Variants in GALNTL6 observed in about 807,000 individuals in gnomAD.
The protein encoded by GALNTL6 is polypeptide N-acetylgalactosaminyltransferase-like 6.
GALNTL6 carries 46 observed loss-of-function variants against 73.7 expected under a neutral mutation model. That is an observed-to-expected ratio of 0.62 (90% confidence interval 0.49 to 0.80). The LOEUF is 0.80. Ranked by LOEUF, GALNTL6 falls within the 30% of genes least tolerant of loss-of-function variation. GALNTL6 has a pLI of 0.00. For missense variants in GALNTL6, 604 were observed against 755.0 expected (o/e 0.80, Z 2.34); for synonymous variants, 259 against 263.7 (o/e 0.98, Z 0.17).
At chr4:172,924,649 C>A (rs1230527231) in intron 8 of GALNTL6, among the ~76,000 whole-genome samples, 1 of 152,092 alleles carries the variant, frequency 6.6e-6, no homozygotes, top group African/African-American at 2.4e-5. Context: ...CAACTGATGG[C>A]AGCAAGCTCT....
chr4:172,207,413 T>G (rs1736172484), intron 2 of GALNTL6, among the ~76,000 whole-genome samples: 2 of 152,124 alleles, frequency 1.3e-5, no homozygotes, highest in Non-Finnish European at 2.9e-5. Context: ...GGGATGGTGG[T>G]GCTCTTTCCT....
At chr4:172,741,572 C>T (rs10050292) in intron 5 of GALNTL6, among the ~76,000 whole-genome samples, 54,602 of 151,728 alleles carry the variant, frequency 0.36, 10,859 homozygotes, top group African/African-American at 0.52. Flanking sequence ...TATTTAGATC[C>T]GAGAGATAAT....
intron 5 of GALNTL6, among the ~76,000 whole-genome samples, chr4:172,390,567 G>T (rs1743628806): frequency 1.3e-5 from 2 of 152,158 alleles, no homozygotes; most frequent in Non-Finnish European, 2.9e-5. Context: ...TGTGCTACTT[G>T]CCCAATAGCC....
chr4:172,064,095 C>T (rs547863235), intron 2 of GALNTL6, among the ~76,000 whole-genome samples: 1 of 152,322 alleles, frequency 6.6e-6, no homozygotes, highest in South Asian at 2.1e-4. Flanking sequence ...TGATCCAAGC[C>T]TATCCCAGGA....
chr4:172,467,851 TTTCTTTCTTTCTTTCC>T (rs1456598674), intron 5 of GALNTL6, among the ~76,000 whole-genome samples: 1 of 147,214 alleles, frequency 6.8e-6, no homozygotes, highest in East Asian at 2.0e-4. Context: ...TCTTTCTTTC[TTTCTTTCTTTCTTTCC>T]TTCTTTCCTT....
chr4:172,078,354 C>T (rs1731773428), intron 2 of GALNTL6, among the ~76,000 whole-genome samples: 2 of 152,122 alleles, frequency 1.3e-5, no homozygotes, highest in African/African-American at 4.8e-5. Flanking sequence ...TCTCCTTCCC[C>T]TTCTGCTATG....
intron 4 of GALNTL6, among the ~76,000 whole-genome samples, chr4:172,327,316 A>G (rs1276887039): frequency 1.3e-5 from 2 of 152,050 alleles, no homozygotes; most frequent in Non-Finnish European, 2.9e-5. Flanking sequence ...TTTATGTCTG[A>G]TTATGTGGTC....
chr4:171,984,809 G>A (rs965251264), intron 2 of GALNTL6, among the ~76,000 whole-genome samples: 1 of 152,084 alleles, frequency 6.6e-6, no homozygotes, highest in African/African-American at 2.4e-5. Context: ...AGCATTATCT[G>A]CAGTGAGTAT....
chr4:172,625,346 C>T (rs1402682595), intron 5 of GALNTL6, among the ~76,000 whole-genome samples: 1 of 151,976 alleles, frequency 6.6e-6, no homozygotes, highest in Non-Finnish European at 1.5e-5. Flanking sequence ...GAGCTGCATC[C>T]AGGTCGCTGC....
At chr4:172,688,215 A>G (rs2111249845) in intron 5 of GALNTL6, among the ~76,000 whole-genome samples, 1 of 152,310 alleles carries the variant, frequency 6.6e-6, no homozygotes, top group East Asian at 1.9e-4. Context: ...ATTTATGGTA[A>G]ATTATTAACA....
At chr4:172,448,991 C>T (rs537450495) in intron 5 of GALNTL6, among the ~76,000 whole-genome samples, 1 of 152,278 alleles carries the variant, frequency 6.6e-6, no homozygotes, top group South Asian at 2.1e-4. Flanking sequence ...CTTAGCCCCT[C>T]ATCCCTCAAC....
intron 3 of GALNTL6, among the ~76,000 whole-genome samples, chr4:172,300,830 C>T (rs1739886399): frequency 1.3e-5 from 2 of 152,136 alleles, no homozygotes; most frequent in Non-Finnish European, 2.9e-5. Context: ...TTTGGTGAAT[C>T]TGACAATTAT....
intron 5 of GALNTL6, among the ~76,000 whole-genome samples, chr4:172,736,932 ACTAT>A (rs1736503322): frequency 6.6e-6 from 1 of 152,118 alleles, no homozygotes; most frequent in Admixed American, 6.5e-5. Context: ...CTTTCTTACC[ACTAT>A]CTAAGACGTG....
At chr4:172,295,675 T>C (rs888612953) in intron 3 of GALNTL6, among the ~76,000 whole-genome samples, 3 of 151,326 alleles carry the variant, frequency 2.0e-5, no homozygotes, top group African/African-American at 7.3e-5. Context: ...ATTTTTCAAA[T>C]ACATTTTTAA....
chr4:172,583,625 G>A (rs918605463), intron 5 of GALNTL6, among the ~76,000 whole-genome samples: 3 of 152,090 alleles, frequency 2.0e-5, no homozygotes, highest in Admixed American at 6.5e-5. Context: ...GATGCGGCTG[G>A]GCGAGGTGGC....
At chr4:171,922,581 T>A (rs1288862312) in intron 2 of GALNTL6, among the ~76,000 whole-genome samples, 1 of 152,030 alleles carries the variant, frequency 6.6e-6, no homozygotes, top group Non-Finnish European at 1.5e-5. Flanking sequence ...ATTAGCTGAG[T>A]TATATGTTCA....
At chr4:171,943,461 G>A (rs1002824151) in intron 2 of GALNTL6, among the ~76,000 whole-genome samples, 2 of 152,122 alleles carry the variant, frequency 1.3e-5, no homozygotes, top group African/African-American at 4.8e-5. Flanking sequence ...GCAAAATTTA[G>A]AAATATTACA....
At chr4:172,828,427 A>C (rs1289763351) in intron 7 of GALNTL6, among the ~76,000 whole-genome samples, 1 of 152,094 alleles carries the variant, frequency 6.6e-6, no homozygotes, top group Admixed American at 6.5e-5. Flanking sequence ...CTCAGGGGCC[A>C]CAGTCAGCCC....
chr4:172,809,387 T>C lies in GALNTL6; in HGVS notation c.580T>C (p.Tyr194His). 4.3e-6 allele frequency: 7 copies of C among 1,613,834 alleles called. No individual in the cohort carries two copies. Among genetic ancestry groups the C allele is most frequent in the Non-Finnish European group, 5.1e-6 (6 of 1,179,816 alleles). ...REHLKDKLEE[Y>H]MARFSKVRIV... ...ACACCTGAAGGATAAATTGGAAGAA[T>C]ACATGGCCCGATTTTCCAAAGTGAG... The change falls in exon 6 of 13, where the codon TAC (tyrosine) becomes CAC (histidine). Residue 194 changes from tyrosine to histidine, a missense_variant. By Grantham distance (83) the Tyr-to-His change is moderately conservative. Transcript: ENST00000506823. This position sits in a 1 kb window ranked among gnomAD's most constrained non-coding sequence, Gnocchi z 4.4.
Sources: gnomAD v4.1 joint callset for allele counts (sites outside exome capture counted in the v4.1 genomes callset) on GRCh38, gnomAD v4.1.1 for gene constraint, Gnocchi (gnomAD v3.1) non-coding constraint, MANE v1.5 for transcripts, NCBI Gene and HGNC (gene_info 2026-07-23, HGNC 2026-07-21) for gene names.